The following CASD1 variants were observed in gnomAD, a reference collection of about 807,000 sequenced individuals.
CASD1 encodes the protein N-acetylneuraminate (7)9-O-acetyltransferase.
In CASD1, 41 loss-of-function variants were observed where a neutral mutation model predicts 100.0. The observed-to-expected ratio is 0.41, with a 90% confidence interval of 0.32 to 0.53. CASD1 has a LOEUF of 0.53. CASD1 is among the 20% of genes least tolerant of loss of function. The probability of loss-of-function intolerance (pLI) is 0.25; values close to 1 mark genes in which losing one functional copy is unlikely to be tolerated. For synonymous variants in CASD1, 321 were observed against 315.6 expected, an observed-to-expected ratio of 1.02 and a Z score of -0.18; for missense variants, 774 against 948.7, an observed-to-expected ratio of 0.82 and a Z score of 2.42.
At chr7:94,569,939 A>G in the CASD1 span, among the ~76,000 whole-genome samples, 1 of 151,410 alleles carries the variant, frequency 6.6e-6, no homozygotes. Flanking sequence ...TCAGCCTCCC[A>G]AGTAGCTGGG....
the CASD1 span, among the ~76,000 whole-genome samples, chr7:94,563,094 A>AG: frequency 6.6e-6 from 1 of 152,118 alleles, no homozygotes; most frequent in Non-Finnish European, 1.5e-5. Flanking sequence ...TATCACCTTT[A>AG]GGGGGGTTCT....
At chr7:94,532,128 A>G (rs1359323627) in intron 5 of CASD1, among the ~76,000 whole-genome samples, 4 of 152,098 alleles carry the variant, frequency 2.6e-5, no homozygotes, top group Non-Finnish European at 2.9e-5. Flanking sequence ...AGTAGTCCCC[A>G]TTTATCCATG....
the CASD1 span, among the ~76,000 whole-genome samples, chr7:94,564,707 A>G: frequency 4.6e-5 from 7 of 152,058 alleles, no homozygotes; most frequent in Non-Finnish European, 1.0e-4. Context: ...GCGTGCGCCC[A>G]CTCTGAAGGC....
chr7:94,629,990 C>T, the CASD1 span: 1 of 851,654 alleles, frequency 1.2e-6, no homozygotes, highest in Non-Finnish European at 1.8e-6. Flanking sequence ...CTGTTAATAA[C>T]AATTTGTTTT....
the CASD1 span, among the ~76,000 whole-genome samples, chr7:94,570,357 C>G: frequency 6.6e-6 from 1 of 152,090 alleles, no homozygotes; most frequent in Non-Finnish European, 1.5e-5. Flanking sequence ...ATTTAACATC[C>G]TAAATTTGAA....
At chr7:94,596,598 CA>C in the CASD1 span, among the ~76,000 whole-genome samples, 1 of 152,016 alleles carries the variant, frequency 6.6e-6, no homozygotes, top group African/African-American at 2.4e-5. Flanking sequence ...GCTTAAAAAA[CA>C]GAGAAATAAA....
the CASD1 span, among the ~76,000 whole-genome samples, chr7:94,565,868 T>C: frequency 6.6e-6 from 1 of 152,080 alleles, no homozygotes; most frequent in South Asian, 2.1e-4. Flanking sequence ...TTGTGAAGGA[T>C]AAAGGGGAAA....
chr7:94,563,634 A>G, the CASD1 span, among the ~76,000 whole-genome samples: 10 of 152,122 alleles, frequency 6.6e-5, no homozygotes, highest in South Asian at 1.5e-3. Context: ...TATCAAATCC[A>G]TACATTTTTC....
intron 3 of CASD1, among the ~76,000 whole-genome samples, chr7:94,521,438 G>A (rs1047759554): frequency 2.0e-5 from 3 of 152,114 alleles, no homozygotes; most frequent in African/African-American, 7.2e-5. Context: ...GCTAATAATA[G>A]CAGATATGTC....
chr7:94,613,902 AC>A, the CASD1 span, among the ~76,000 whole-genome samples: 7 of 152,122 alleles, frequency 4.6e-5, no homozygotes, highest in South Asian at 1.5e-3. Flanking sequence ...TAATGTACAT[AC>A]CTGCAATTAA....
the CASD1 span, among the ~76,000 whole-genome samples, chr7:94,610,696 C>A: frequency 6.6e-6 from 1 of 151,598 alleles, no homozygotes; most frequent in African/African-American, 2.4e-5. Context: ...TCAAAGAACA[C>A]CATTAAGAAA....
At chr7:94,575,853 T>G in the CASD1 span, among the ~76,000 whole-genome samples, 1 of 152,242 alleles carries the variant, frequency 6.6e-6, no homozygotes, top group Admixed American at 6.5e-5. Flanking sequence ...ACTGTTAATC[T>G]TGTTGAGGAG....
At chr7:94,628,168 ATG>A in the CASD1 span, 5 of 1,533,214 alleles carry the variant, frequency 3.3e-6, no homozygotes, top group Non-Finnish European at 4.5e-6. Context: ...ACACACATAT[ATG>A]TATAGTTTTG....
intron 3 of CASD1, among the ~76,000 whole-genome samples, chr7:94,523,665 A>G (rs1285072059): frequency 6.6e-6 from 1 of 152,194 alleles, no homozygotes. Context: ...TGTAATTCCA[A>G]CAAAATCCTA....
At chr7:94,634,147 T>G in the CASD1 span, among the ~76,000 whole-genome samples, 1 of 152,170 alleles carries the variant, frequency 6.6e-6, no homozygotes, top group Non-Finnish European at 1.5e-5. Context: ...GATGCTTTAT[T>G]AATAAACTAA....
the CASD1 span, chr7:94,629,633 A>C: frequency 1.7e-6 from 2 of 1,171,412 alleles, no homozygotes; most frequent in East Asian, 4.7e-5. Context: ...AATGTTAATG[A>C]TATTTTATCA....
the CASD1 span, among the ~76,000 whole-genome samples, chr7:94,632,142 A>G: frequency 6.6e-6 from 1 of 152,040 alleles, no homozygotes; most frequent in Non-Finnish European, 1.5e-5. Context: ...ATTATAAACT[A>G]ATAGTCTCCC....
the CASD1 span, chr7:94,587,294 G>C: frequency 1.0e-6 from 1 of 990,632 alleles, no homozygotes; most frequent in Non-Finnish European, 1.2e-6. Flanking sequence ...ATCTACTCAA[G>C]TTTCCTAATT....
intron 15 of CASD1, chr7:94,552,119 T>G: frequency 2.2e-6 from 1 of 450,682 alleles, no homozygotes; most frequent in South Asian, 3.8e-5. Flanking sequence ...GATCACTGTT[T>G]CCAGAAAAGC....
Sources: gnomAD v4.1 joint callset for allele counts (sites outside exome capture counted in the v4.1 genomes callset) on GRCh38, gnomAD v4.1.1 for gene constraint, MANE v1.5 for transcripts, NCBI Gene and HGNC (gene_info 2026-07-23, HGNC 2026-07-21) for gene names.